TAF2: variants seen among roughly 807,000 people sequenced by gnomAD.
TAF2 encodes TATA-box binding protein associated factor 2, also known as transcription initiation factor TFIID subunit 2.
A neutral mutation model predicts 138.5 loss-of-function variants in TAF2; 61 were observed. The observed-to-expected ratio is 0.44, with a 90% CI of 0.36 to 0.54. The LOEUF (loss-of-function observed/expected upper bound fraction) is 0.54, where lower values mean the gene tolerates loss of function less well. Ranked by LOEUF, TAF2 falls within the 20% of genes least tolerant of loss-of-function variation. TAF2 has a pLI of 0.00. For missense variants in TAF2, 1,090 were observed against 1,427.9 expected (o/e 0.76, Z 3.81); for synonymous variants, 475 against 469.9 (o/e 1.01, Z -0.14).
At position 119,800,835 on chromosome 8, in the gene TAF2, G is replaced by A. The variant is rs532871174; in HGVS notation, c.792+959C>T. The stretch of plus-strand genomic sequence containing the variant: ...TAAAAGAAATGCTGTGGAGATATAC[G>A]TGGTCAAATTATATGCTTATGTATT... On this transcript the variant is annotated intron_variant, in intron 6 of 25. Transcript: ENST00000378164. 9.1e-4 allele frequency among the ~76,000 whole-genome samples: 138 copies of A among 152,228 alleles called. 1 individual carries two copies. Among genetic ancestry groups the A allele is most frequent in the African/African-American group, 3.1e-3 (129 of 41,542 alleles).
At chr8:119,769,861 G>A (rs1025132607) in intron 18 of TAF2, among the ~76,000 whole-genome samples, 1 of 151,496 alleles carries the variant, frequency 6.6e-6, no homozygotes, top group Admixed American at 6.6e-5. Context: ...GGGTTCAAGC[G>A]ATTATCCTGT....
At chr8:119,818,531 C>A (rs752223889) in intron 3 of TAF2, among the ~76,000 whole-genome samples, 17 of 151,760 alleles carry the variant, frequency 1.1e-4, no homozygotes, top group Non-Finnish European at 2.5e-4. Flanking sequence ...AACACTAGGG[C>A]ACAATCAGGT....
Position 119,803,944 on chromosome 8 carries a change from C to T in TAF2, c.494G>A (p.Ser165Asn), listed in dbSNP as rs200354353. 1,033 of 1,614,090 alleles carry T rather than the reference C, an allele frequency of 6.4e-4. 4 individuals carry two copies. Among genetic ancestry groups the T allele is most frequent in the East Asian group, 2.0e-4 (9 of 44,844 alleles). ...PKGGLHFVVPSVEGSMAERGA... is the reference protein window; with the variant it reads ...PKGGLHFVVPNVEGSMAERGA... ...TCTCTCTGCCATACTTCCCTCTACACTGGGTACCACAAAATGAAGACCTCC... is the reference window on the plus strand; with the variant it reads ...TCTCTCTGCCATACTTCCCTCTACATTGGGTACCACAAAATGAAGACCTCC... Residue 165 changes from serine to asparagine, a missense_variant, in exon 5 of 26, where the codon AGT (serine) becomes AAT (asparagine). Physicochemically the swap from Ser to Asn is conservative, Grantham distance 46 (BLOSUM62 1). Transcript: ENST00000378164.
chr8:119,759,774 G>C (rs183752142), intron 20 of TAF2, among the ~76,000 whole-genome samples: 2 of 152,190 alleles, frequency 1.3e-5, no homozygotes, highest in East Asian at 3.9e-4. Flanking sequence ...AAGAGATGCA[G>C]CTTTAATTCT....
At chr8:119,832,036 G>A in intron 1 of TAF2, among the ~76,000 whole-genome samples, 1 of 152,146 alleles carries the variant, frequency 6.6e-6, no homozygotes, top group Non-Finnish European at 1.5e-5. Flanking sequence ...GCACACGCCT[G>A]TAATCCCGGC....
intron 25 of TAF2, among the ~76,000 whole-genome samples, chr8:119,735,665 G>C (rs1030742965): frequency 3.3e-5 from 5 of 152,118 alleles, no homozygotes; most frequent in African/African-American, 9.7e-5. Flanking sequence ...ATACAGACAA[G>C]TTTGGAGAAC....
intron 11 of TAF2, 64 bp from the exon 12 acceptor site, chr8:119,789,810 C>T (rs1823291043): frequency 6.8e-7 from 1 of 1,462,070 alleles, no homozygotes; most frequent in Non-Finnish European, 9.4e-7. Context: ...ATAGAATACT[C>T]ACTTTGCATT....
At position 119,832,805 on chromosome 8, in the gene TAF2, G is replaced by A. The variant is rs960936852; in HGVS notation, c.-241C>T. On this transcript the variant is annotated 5_prime_UTR_variant, in exon 1 of 26. Transcript: ENST00000378164. ...GAGATGCTCCTCTCCGCAAGGGCTC[G>A]AAGCTACCATCCGCCGACATCTTGT... 2.3e-5 allele frequency: 11 copies of A among 468,846 alleles called. No individual in the cohort carries two copies. The highest frequency in any genetic ancestry group is 3.9e-5 in the African/African-American group (2 of 50,920). 29.0% of individuals were successfully genotyped at this position (468,846 alleles called of 1,614,324 possible). A position where few individuals can be genotyped will look rare whatever the true frequency, so the allele number is the denominator to read the frequency against.
rs1822812666 is a variant in TAF2 at position 119,783,465 on chromosome 8, T to C, written c.2028A>G (p.Ala676=). ...ATATATCAGTGAGTGCAAGCCGAGA[T>C]GCTGGAGTAGGGAATTTTTCCAAAG... The part of the protein sequence containing the change: ...ILALEKFPTP[A]SRLALTDILE... The change falls in exon 16 of 26, where the codon GCA becomes GCG. Residue 676 remains alanine, a synonymous_variant. Coordinates refer to ENST00000378164, the MANE Select transcript of TAF2 (RefSeq NM_003184.4). The C allele has an allele frequency of 1.9e-6, 3 of 1,614,162 alleles. No individual in the cohort carries two copies. Among genetic ancestry groups the C allele is most frequent in the Admixed American group, 1.7e-5 (1 of 60,026 alleles).
rs1186399273 is a variant in TAF2, at chr8:119,832,609, A to G, written c.-45T>C. Reference sequence around the variant, plus strand: ...TGGCTTCCCGGCTTCCTAGGGGGATACGGGGCATTACTAGTCTTTGGCACC... The same window carrying G: ...TGGCTTCCCGGCTTCCTAGGGGGATGCGGGGCATTACTAGTCTTTGGCACC... On this transcript the variant is annotated 5_prime_UTR_variant, in exon 1 of 26. Coordinates refer to ENST00000378164, the MANE Select transcript of TAF2 (RefSeq NM_003184.4). 3.2e-6 allele frequency: 5 copies of G among 1,561,518 alleles called. No individual in the cohort carries two copies. Among genetic ancestry groups the G allele is most frequent in the Non-Finnish European group, 4.4e-6 (5 of 1,139,106 alleles).
intron 2 of TAF2, among the ~76,000 whole-genome samples, chr8:119,820,043 C>T (rs1586538364): frequency 6.6e-6 from 1 of 152,182 alleles, no homozygotes; most frequent in Admixed American, 6.5e-5. Context: ...GCAGCAAATA[C>T]ATCACAGTGT....
chr8:119,762,196 G>C (rs1244552557), intron 19 of TAF2, among the ~76,000 whole-genome samples: 1 of 152,128 alleles, frequency 6.6e-6, no homozygotes, highest in Non-Finnish European at 1.5e-5. Flanking sequence ...TACATATACA[G>C]TATAATCTCA....
intron 5 of TAF2, 64 bp from the exon 6 acceptor site, chr8:119,802,089 A>C: frequency 7.6e-7 from 1 of 1,318,112 alleles, no homozygotes; most frequent in Non-Finnish European, 1.1e-6. Context: ...TTTTCCCCAC[A>C]TGCAAGTTAT....
intron 4 of TAF2, among the ~76,000 whole-genome samples, chr8:119,805,975 G>A (rs1056575884): frequency 2.0e-5 from 3 of 151,512 alleles, no homozygotes; most frequent in Admixed American, 2.0e-4. Flanking sequence ...TGCGATCTCA[G>A]CTCACTGCAA....
At chr8:119,812,139 G>A (rs1391264470) in intron 3 of TAF2, among the ~76,000 whole-genome samples, 1 of 152,110 alleles carries the variant, frequency 6.6e-6, no homozygotes, top group Non-Finnish European at 1.5e-5. Flanking sequence ...CTGTCTGTCA[G>A]GGATTCTCAC....
intron 25 of TAF2, among the ~76,000 whole-genome samples, chr8:119,740,626 C>G (rs777140478): frequency 7.1e-6 from 1 of 140,748 alleles, no homozygotes; most frequent in African/African-American, 2.7e-5. Context: ...GATCGCATCA[C>G]TGCACTCCAG....
At chr8:119,780,715 C>G (rs1031243799) in intron 17 of TAF2, among the ~76,000 whole-genome samples, 1 of 152,036 alleles carries the variant, frequency 6.6e-6, no homozygotes, top group Admixed American at 6.6e-5. Flanking sequence ...GTGGGCGGAT[C>G]ACAGGGTCAG....
chr8:119,792,446 G>C (rs953802126), intron 10 of TAF2, among the ~76,000 whole-genome samples: 1 of 151,930 alleles, frequency 6.6e-6, no homozygotes, highest in Non-Finnish European at 1.5e-5. Context: ...CCCCCGCGCT[G>C]GGCCAGAAGA....
Position 119,795,520 on chromosome 8 carries a change from A to G in TAF2, c.1191+12T>C, listed in dbSNP as rs747448601. On this transcript the variant is annotated intron_variant, in intron 9 of 25. Transcript: ENST00000378164. ...AGACTTGTAAGTGGATAAGGGATCT[A>G]GCTGTTATTACCTCTTTAATCCAAT... The G allele has an allele frequency of 6.2e-7, 1 of 1,602,630 alleles. No individual in the cohort carries two copies. Among genetic ancestry groups the G allele is most frequent in the East Asian group, 2.2e-5 (1 of 44,728 alleles).
Sources: gnomAD v4.1 joint callset for allele counts (sites outside exome capture counted in the v4.1 genomes callset) on GRCh38, gnomAD v4.1.1 for gene constraint, MANE v1.5 for transcripts, NCBI Gene and HGNC (gene_info 2026-07-23, HGNC 2026-07-21) for gene names.